GRIK2: variants seen among roughly 807,000 people sequenced by gnomAD.
GRIK2 encodes glutamate receptor ionotropic, kainate 2.
GRIK2 carries 32 observed loss-of-function variants against 100.3 expected under a neutral mutation model. The observed-to-expected ratio is 0.32, with a 90% confidence interval of 0.24 to 0.43. The LOEUF (loss-of-function observed/expected upper bound fraction) is 0.43. GRIK2 is among the 20% of genes least tolerant of loss of function. The pLI is 1.00. For synonymous variants in GRIK2, 417 were observed against 389.4 expected (o/e 1.07, Z -0.83); for missense variants, 843 against 1,114.9 (o/e 0.76, Z 3.47).
chr6:101,625,173 A>G (rs928910903), intron 3 of GRIK2, among the ~76,000 whole-genome samples: 1 of 151,982 alleles, frequency 6.6e-6, no homozygotes, highest in Non-Finnish European at 1.5e-5. Flanking sequence ...GGAGATCAAG[A>G]TCATCCTGGC....
rs1420675048 is a variant in GRIK2 at position 101,514,922 on chromosome 6, T to C, written c.116-107027T>C. On this transcript the variant is annotated intron_variant, in intron 2 of 16. Transcript: ENST00000369134. ...TTTTATTTTATTTTTCCAGAGGTTA[T>C]TGGGGTACGGGAGGTACTTGGTTAC... Among the ~76,000 whole-genome samples, 7 of 152,150 alleles carry C rather than the reference T, an allele frequency of 4.6e-5. No homozygotes were observed. The East Asian group carries it at 1.2e-3, about 25-fold the overall frequency.
intron 2 of GRIK2, among the ~76,000 whole-genome samples, chr6:101,524,167 C>T (rs979608596): frequency 6.6e-6 from 1 of 152,164 alleles, no homozygotes; most frequent in African/African-American, 2.4e-5. Context: ...TTCCTTCTCA[C>T]ATCTTCAATA....
At chr6:101,534,085 A>G (rs965848299) in intron 2 of GRIK2, among the ~76,000 whole-genome samples, 7 of 151,914 alleles carry the variant, frequency 4.6e-5, no homozygotes, top group African/African-American at 1.4e-4. Context: ...CTCAATCACT[A>G]AAGTTATGGA....
intron 7 of GRIK2, among the ~76,000 whole-genome samples, chr6:101,748,742 C>T (rs1474149651): frequency 1.3e-5 from 2 of 152,140 alleles, no homozygotes; most frequent in Middle Eastern, 3.4e-3. Flanking sequence ...GTTTGATTGA[C>T]TATCACTCAA....
At chr6:101,438,402 C>T (rs200261285) in intron 2 of GRIK2, among the ~76,000 whole-genome samples, 3 of 151,974 alleles carry the variant, frequency 2.0e-5, no homozygotes, top group East Asian at 3.9e-4. Flanking sequence ...AACTTAATTG[C>T]TTTAATTCTT....
chr6:101,773,060 G>A (rs1778504501), intron 7 of GRIK2, among the ~76,000 whole-genome samples: 1 of 152,174 alleles, frequency 6.6e-6, no homozygotes, highest in Non-Finnish European at 1.5e-5. Flanking sequence ...GAAAGTGTAT[G>A]TTCATATGGG....
At chr6:101,985,200 G>A (rs1423252288) in intron 14 of GRIK2, among the ~76,000 whole-genome samples, 1 of 151,582 alleles carries the variant, frequency 6.6e-6, no homozygotes, top group Non-Finnish European at 1.5e-5. Flanking sequence ...AAAAAAAGTA[G>A]GCCAAAGAAA....
chr6:101,802,830 A>G (rs1008645369), intron 9 of GRIK2, among the ~76,000 whole-genome samples: 1 of 151,848 alleles, frequency 6.6e-6, no homozygotes, highest in Non-Finnish European at 1.5e-5. Flanking sequence ...AATTAAATAT[A>G]AAAGTATGTT....
intron 14 of GRIK2, among the ~76,000 whole-genome samples, chr6:102,001,467 T>A (rs765607932): frequency 2.0e-5 from 3 of 152,044 alleles, no homozygotes; most frequent in Admixed American, 6.6e-5. Context: ...TTTGGTTTTC[T>A]GTTCCTCTCT....
intron 7 of GRIK2, among the ~76,000 whole-genome samples, chr6:101,761,064 G>A (rs1447289067): frequency 6.6e-6 from 1 of 152,020 alleles, no homozygotes; most frequent in South Asian, 2.1e-4. Flanking sequence ...CAGTTAAATG[G>A]TTCAAAGAAC....
At chr6:101,708,775 A>C (rs1773510039) in intron 7 of GRIK2, among the ~76,000 whole-genome samples, 1 of 151,796 alleles carries the variant, frequency 6.6e-6, no homozygotes, top group South Asian at 2.1e-4. Context: ...ATGGCTATTC[A>C]AACCTTGTCT....
intron 6 of GRIK2, among the ~76,000 whole-genome samples, chr6:101,684,359 T>C (rs1771515312): frequency 6.6e-6 from 1 of 152,324 alleles, no homozygotes; most frequent in South Asian, 2.1e-4. Flanking sequence ...GAAGGCCTTT[T>C]ATACTTTGAT....
intron 12 of GRIK2, among the ~76,000 whole-genome samples, chr6:101,912,093 CACACACAAACACACACACAGAG>C (rs1788749372): frequency 2.2e-5 from 1 of 46,186 alleles, no homozygotes; most frequent in African/African-American, 4.9e-5. Context: ...CACAAACACA[CACACACAAACACACACACAGAG>C]ACCGAGAGAG....
intron 7 of GRIK2, among the ~76,000 whole-genome samples, chr6:101,747,497 A>G (rs1165111884): frequency 6.6e-6 from 1 of 152,170 alleles, no homozygotes; most frequent in Non-Finnish European, 1.5e-5. Context: ...GATAGCCTTC[A>G]TTCTTTTCTG....
chr6:101,494,350 T>C (rs1330274554), intron 2 of GRIK2, among the ~76,000 whole-genome samples: 1 of 151,632 alleles, frequency 6.6e-6, no homozygotes, highest in African/African-American at 2.4e-5. Flanking sequence ...AGAGTGATTG[T>C]AGGTTACAGT....
At chr6:101,590,955 G>A (rs1778613042) in intron 2 of GRIK2, among the ~76,000 whole-genome samples, 1 of 152,036 alleles carries the variant, frequency 6.6e-6, no homozygotes, top group African/African-American at 2.4e-5. Flanking sequence ...TAAGAAGTTG[G>A]TCGGAAGGCA....
At chr6:101,501,680 A>C (rs1462702766) in intron 2 of GRIK2, among the ~76,000 whole-genome samples, 1 of 152,196 alleles carries the variant, frequency 6.6e-6, no homozygotes. Context: ...AAAGAACTAT[A>C]GTAACCTGAT....
At chr6:101,856,812 C>A in intron 10 of GRIK2, among the ~76,000 whole-genome samples, 1 of 151,798 alleles carries the variant, frequency 6.6e-6, no homozygotes, top group Non-Finnish European at 1.5e-5. Flanking sequence ...TTTGACCATG[C>A]GGAAGAGAGA....
chr6:102,053,091 A>AACAACAACACAC (rs1554197943), intron 15 of GRIK2, among the ~76,000 whole-genome samples: 1 of 149,376 alleles, frequency 6.7e-6, no homozygotes, highest in African/African-American at 2.5e-5. Flanking sequence ...CAACAACAAC[A>AACAACAACACAC]ACACACACAC....
Sources: gnomAD v4.1 joint callset for allele counts (sites outside exome capture counted in the v4.1 genomes callset) on GRCh38, gnomAD v4.1.1 for gene constraint, MANE v1.5 for transcripts, NCBI Gene and HGNC (gene_info 2026-07-23, HGNC 2026-07-21) for gene names.